TSNARE1: variants seen among roughly 807,000 people sequenced by gnomAD.
TSNARE1 encodes the protein t-SNARE domain-containing protein 1.
Under a neutral mutation model 62.0 loss-of-function variants are expected in TSNARE1, and 49 were observed. The observed-to-expected ratio is 0.79, with a 90% CI of 0.63 to 1.00. TSNARE1 has a LOEUF of 1.00. TSNARE1 is among the 50% of genes least tolerant of loss of function. The probability of loss-of-function intolerance (pLI) is 0.00; values close to 1 mark genes in which losing one functional copy is unlikely to be tolerated. For synonymous variants in TSNARE1, 328 were observed against 294.4 expected (o/e 1.11, Z -1.17); for missense variants, 755 against 700.1 (o/e 1.08, Z -0.88).
chr8:142,284,317 C>A, intron 11 of TSNARE1, 96 bp downstream of exon 11: 1 of 975,212 alleles, frequency 1.0e-6, no homozygotes, highest in Non-Finnish European at 1.6e-6. Context: ...CTCTTAGAGG[C>A]CCCTTCACCC....
chr8:142,300,593 C>A lies in TSNARE1; in HGVS notation c.1183G>T (p.Gly395Trp), dbSNP rs146867560. ...TGGCCCTGCCACATGTTGTCACTCC[C>A]GTTAAAGACCTTCTCATCATCAGCC... ...ELADDEKVFN[G>W]SDNMWQGQEQ... The change falls in exon 10 of 14, where the codon GGG (glycine) becomes TGG (tryptophan). Residue 395 changes from glycine (G) to tryptophan (W), a missense_variant. Coordinates refer to ENST00000524325, the MANE Select transcript of TSNARE1 (RefSeq NM_145003.5). The A allele has an allele frequency of 2.7e-4, 437 of 1,613,708 alleles. 5 individuals are homozygous for A. The African/African-American group carries it at 5.2e-3, about 19-fold the overall frequency.
At chr8:142,299,153 G>A (rs1442892909) in intron 10 of TSNARE1, among the ~76,000 whole-genome samples, 1 of 152,218 alleles carries the variant, frequency 6.6e-6, no homozygotes, top group Non-Finnish European at 1.5e-5. Context: ...TTGAGAAATG[G>A]GCGCTCCTCC....
chr8:142,334,649 A>T (rs1011203459), intron 4 of TSNARE1, among the ~76,000 whole-genome samples: 5 of 152,256 alleles, frequency 3.3e-5, no homozygotes, highest in African/African-American at 1.2e-4. Flanking sequence ...AAGGTACATT[A>T]TAGGCAAACT....
At chr8:142,329,404 C>T (rs546317738) in intron 6 of TSNARE1, among the ~76,000 whole-genome samples, 114 of 152,346 alleles carry the variant, frequency 7.5e-4, no homozygotes, top group African/African-American at 2.5e-3. Flanking sequence ...CCAGGCCGGG[C>T]GGCCCAGGAT....
chr8:142,370,754 A>T (rs1273338987), intron 1 of TSNARE1, among the ~76,000 whole-genome samples: 1 of 152,180 alleles, frequency 6.6e-6, no homozygotes, highest in African/African-American at 2.4e-5. Flanking sequence ...AAAGAAATGA[A>T]GAAAAGAATT....
chr8:142,338,721 C>T (rs1025176240), intron 4 of TSNARE1, among the ~76,000 whole-genome samples: 1 of 152,222 alleles, frequency 6.6e-6, no homozygotes, highest in African/African-American at 2.4e-5. Flanking sequence ...CAGGTTCAGG[C>T]AGGAAAAAGC....
intron 12 of TSNARE1, among the ~76,000 whole-genome samples, chr8:142,237,691 C>A (rs748534920): frequency 5.9e-5 from 9 of 152,224 alleles, no homozygotes; most frequent in Non-Finnish European, 1.3e-4. Context: ...AGAGCTCGGA[C>A]GGGCCATGCT....
chr8:142,216,751 C>A (rs927161118), intron 13 of TSNARE1, among the ~76,000 whole-genome samples: 2 of 152,316 alleles, frequency 1.3e-5, no homozygotes, highest in Non-Finnish European at 2.9e-5. Context: ...CTGAGCTGTC[C>A]TCATATCTGT....
chr8:142,330,775 T>C, intron 6 of TSNARE1, 126 bp downstream of exon 6: 1 of 907,712 alleles, frequency 1.1e-6, no homozygotes, highest in South Asian at 1.5e-5. Flanking sequence ...CACATGTGTG[T>C]CCAGGCAGCT....
chr8:142,299,516 C>T (rs951616571), intron 10 of TSNARE1, among the ~76,000 whole-genome samples: 7 of 152,242 alleles, frequency 4.6e-5, no homozygotes, highest in African/African-American at 1.7e-4. Context: ...CGGATCCCAC[C>T]GCCAACAGAG....
Position 142,333,967 on chromosome 8 carries a change from G to A in TSNARE1, c.746-2136C>T, listed in dbSNP as rs536469597. 6.4e-3 allele frequency among the ~76,000 whole-genome samples: 965 copies of A among 151,604 alleles called. 7 individuals carry two copies. The highest frequency in any genetic ancestry group is 0.017 in the Middle Eastern group (5 of 294). ...GCCTCAGTTGCATTAGTAGAACAAC[G>A]AGAATGAGGATGAGTTAAATCAAGT... On this transcript the variant is annotated intron_variant, in intron 4 of 13. Coordinates refer to ENST00000524325, the MANE Select transcript of TSNARE1 (RefSeq NM_145003.5).
chr8:142,330,894 C>A lies in TSNARE1; in HGVS notation c.893+7G>T. On this transcript the variant is annotated splice_region_variant and intron_variant, in intron 6 of 13. Transcript: ENST00000524325. ...AGGCAAAGAGATACCATGGCCCACA[C>A]ACTCACAGGCTGTCCCGAAGCTCCT... The A allele has an allele frequency of 6.2e-7, 1 of 1,613,982 alleles. No individual in the cohort carries two copies.
At chr8:142,277,280 C>G (rs760960418) in intron 11 of TSNARE1, 207 of 985,228 alleles carry the variant, frequency 2.1e-4, no homozygotes, top group Admixed American at 2.5e-4. Flanking sequence ...CTCCAGGGGC[C>G]AGAGAGAGCA....
At chr8:142,230,886 G>A (rs1817079112) in intron 12 of TSNARE1, among the ~76,000 whole-genome samples, 1 of 138,524 alleles carries the variant, frequency 7.2e-6, no homozygotes, top group Non-Finnish European at 1.6e-5. Context: ...CCATCCATGA[G>A]CCCACTCATC....
At chr8:142,278,078 A>G (rs1820791217) in intron 11 of TSNARE1, 1 of 985,256 alleles carries the variant, frequency 1.0e-6, no homozygotes, top group Non-Finnish European at 1.2e-6. Flanking sequence ...GAGGACCCAG[A>G]TCCTCCTCCA....
intron 6 of TSNARE1, among the ~76,000 whole-genome samples, chr8:142,320,769 C>T (rs1829368501): frequency 6.6e-6 from 1 of 152,250 alleles, no homozygotes; most frequent in African/African-American, 2.4e-5. Flanking sequence ...GCCCAGACAG[C>T]TCCCCTGGGA....
intron 6 of TSNARE1, among the ~76,000 whole-genome samples, chr8:142,324,042 G>A (rs1829862071): frequency 1.3e-5 from 2 of 152,230 alleles, no homozygotes; most frequent in South Asian, 2.1e-4. Context: ...GGCTGGAAAC[G>A]CTAGCTGTAC....
At chr8:142,285,089 G>A (rs1229490507) in intron 10 of TSNARE1, among the ~76,000 whole-genome samples, 2 of 152,196 alleles carry the variant, frequency 1.3e-5, no homozygotes, top group African/African-American at 4.8e-5. Flanking sequence ...TAGATGAAAG[G>A]ATGATGGACA....
chr8:142,308,397 T>C (rs567380117), intron 9 of TSNARE1, among the ~76,000 whole-genome samples: 1 of 152,296 alleles, frequency 6.6e-6, no homozygotes, highest in East Asian at 1.9e-4. Context: ...GAGCTGACGT[T>C]TGCAAAGGGT....
Sources: gnomAD v4.1 joint callset for allele counts (sites outside exome capture counted in the v4.1 genomes callset) on GRCh38, gnomAD v4.1.1 for gene constraint, MANE v1.5 for transcripts, NCBI Gene and HGNC (gene_info 2026-07-23, HGNC 2026-07-21) for gene names.